The following MYT1L variants were observed in gnomAD, a reference collection of about 807,000 sequenced individuals.
The protein encoded by MYT1L is myelin transcription factor 1-like protein.
Under a neutral mutation model 126.7 loss-of-function variants are expected in MYT1L, and 12 were observed. The ratio of observed to expected loss-of-function variants is 0.09; its 90% CI spans 0.06 to 0.15. The LOEUF (loss-of-function observed/expected upper bound fraction) is 0.15, where lower values mean the gene tolerates loss of function less well. Ranked by LOEUF, MYT1L falls within the 10% of genes least tolerant of loss-of-function variation. MYT1L has a pLI of 1.00. For missense variants in MYT1L, 979 were observed against 1,585.2 expected (o/e 0.62, Z 6.49); for synonymous variants, 541 against 604.2 (o/e 0.90, Z 1.53).
intron 2 of MYT1L, among the ~76,000 whole-genome samples, chr2:2,247,791 G>A (rs1050609455): frequency 2.0e-5 from 3 of 152,082 alleles, no homozygotes; most frequent in Admixed American, 2.0e-4. Context: ...AATGTCCAAT[G>A]AGTCAGTAAA....
At chr2:2,137,795 T>C (rs1394328933) in intron 3 of MYT1L, among the ~76,000 whole-genome samples, 1 of 151,886 alleles carries the variant, frequency 6.6e-6, no homozygotes, top group Non-Finnish European at 1.5e-5. Flanking sequence ...ACTTCATGTC[T>C]GAAACACCAA....
chr2:1,873,604 G>A (rs2046515470), intron 18 of MYT1L, among the ~76,000 whole-genome samples: 1 of 152,196 alleles, frequency 6.6e-6, no homozygotes, highest in Non-Finnish European at 1.5e-5. Flanking sequence ...ATTCACTGAT[G>A]ATTTGTTCAG....
intron 3 of MYT1L, among the ~76,000 whole-genome samples, chr2:2,154,048 G>A (rs2148342629): frequency 6.6e-6 from 1 of 152,274 alleles, no homozygotes; most frequent in East Asian, 1.9e-4. Context: ...GGCTGGCTCT[G>A]GAGCCTTAGT....
intron 18 of MYT1L, among the ~76,000 whole-genome samples, chr2:1,853,889 G>A (rs1196899770): frequency 6.6e-6 from 1 of 152,108 alleles, no homozygotes; most frequent in Admixed American, 6.5e-5. Flanking sequence ...AAAAGTTTTT[G>A]TGGTAGTTTT....
intron 18 of MYT1L, among the ~76,000 whole-genome samples, chr2:1,877,797 T>TAAAAAAA (rs67706403): frequency 2.9e-4 from 43 of 150,634 alleles, no homozygotes; most frequent in African/African-American, 6.4e-4. Context: ...TCCTAAATTG[T>TAAAAAAA]AGAAAAAAAA....
At chr2:2,231,339 C>A (rs1212986297) in intron 2 of MYT1L, among the ~76,000 whole-genome samples, 1 of 152,206 alleles carries the variant, frequency 6.6e-6, no homozygotes, top group Non-Finnish European at 1.5e-5. Context: ...AGGTTGATTG[C>A]AGTCTGTCTA....
chr2:1,949,749 G>A (rs2057569280), intron 8 of MYT1L, among the ~76,000 whole-genome samples: 2 of 152,194 alleles, frequency 1.3e-5, no homozygotes, highest in South Asian at 4.1e-4. Context: ...CGAGGTGAGG[G>A]TGGGAAGTGT....
chr2:2,308,585 T>G (rs531991650), intron 1 of MYT1L, among the ~76,000 whole-genome samples: 12 of 150,170 alleles, frequency 8.0e-5, no homozygotes, highest in Admixed American at 5.9e-4. Context: ...TATACTTAAC[T>G]TACACTTCAG....
intron 22 of MYT1L, among the ~76,000 whole-genome samples, chr2:1,807,920 A>G (rs1468095734): frequency 6.6e-6 from 1 of 152,120 alleles, no homozygotes; most frequent in Non-Finnish European, 1.5e-5. Flanking sequence ...GTGGGAGGTA[A>G]TTGAATCATG....
Position 2,133,357 on chromosome 2 carries a change from C to G in MYT1L, c.-304+39515G>C, listed in dbSNP as rs80253129. 5.3e-4 allele frequency among the ~76,000 whole-genome samples: 81 copies of G among 152,206 alleles called. 1 individual carries two copies. In the East Asian group the frequency reaches 0.014, roughly 27 times the overall value. On this transcript the variant is annotated intron_variant, in intron 3 of 24. Transcript: ENST00000647738. ...GCACATCACAAAACAGTGAACTTAG[C>G]AAGAAAGGACAGTAAATTCAGTGAA...
At chr2:1,983,170 C>A (rs58570269) in intron 5 of MYT1L, among the ~76,000 whole-genome samples, 5,573 of 152,242 alleles carry the variant, frequency 0.037, 120 homozygotes, top group Non-Finnish European at 0.057. Flanking sequence ...ACTCTCTGTT[C>A]CCTCCTCCGT....
At chr2:1,833,889 C>A (rs1395789081) in intron 21 of MYT1L, among the ~76,000 whole-genome samples, 1 of 152,204 alleles carries the variant, frequency 6.6e-6, no homozygotes, top group South Asian at 2.1e-4. Context: ...GCAGCGGCTG[C>A]GCCAGGACTC....
chr2:2,233,243 G>T (rs1160619139), intron 2 of MYT1L, among the ~76,000 whole-genome samples: 1 of 152,242 alleles, frequency 6.6e-6, no homozygotes, highest in Non-Finnish European at 1.5e-5. Context: ...AGGGCCAGGA[G>T]GGTCCAAAGA....
In MYT1L at chr2:2,226,715, A is replaced by G. The variant is rs1450149752; in HGVS notation, c.-420-53727T>C. Among the ~76,000 whole-genome samples, 4 of 152,130 alleles carry G rather than the reference A, an allele frequency of 2.6e-5. No homozygotes were observed. In the East Asian group the frequency reaches 7.7e-4, roughly 29 times the overall value. On this transcript the variant is annotated intron_variant, in intron 2 of 24. Transcript: ENST00000647738. ...CTGCTGCGTTCTCGGACCTGCCCTG[A>G]GACCCAGCCCAGAGCAACACTCAGT...
chr2:2,279,920 C>T (rs1030559283), intron 2 of MYT1L, among the ~76,000 whole-genome samples: 1 of 152,002 alleles, frequency 6.6e-6, no homozygotes, highest in Non-Finnish European at 1.5e-5. Context: ...AGAAGCAGGA[C>T]AAGTACATGG....
At chr2:1,898,023 G>A (rs1395497001) in intron 14 of MYT1L, among the ~76,000 whole-genome samples, 1 of 152,172 alleles carries the variant, frequency 6.6e-6, no homozygotes, top group East Asian at 1.9e-4. Flanking sequence ...AGCTGTTGAT[G>A]TAATAATAAT....
At chr2:1,940,171 A>G (rs544733789) in intron 9 of MYT1L, among the ~76,000 whole-genome samples, 31 of 152,056 alleles carry the variant, frequency 2.0e-4, no homozygotes, top group Non-Finnish European at 3.7e-4. Flanking sequence ...TCACACTGGT[A>G]GCAGGTAGGT....
chr2:2,110,278 A>C (rs150676722), intron 3 of MYT1L, among the ~76,000 whole-genome samples: 16 of 152,248 alleles, frequency 1.1e-4, no homozygotes, highest in Non-Finnish European at 1.8e-4. Context: ...AATATAATAT[A>C]GAATATAATA....
intron 1 of MYT1L, among the ~76,000 whole-genome samples, chr2:2,315,610 C>G (rs1256794556): frequency 6.6e-6 from 1 of 152,066 alleles, no homozygotes; most frequent in Non-Finnish European, 1.5e-5. Flanking sequence ...AGGGTGCCTT[C>G]CTGATAGTCT....
Sources: allele counts gnomAD v4.1 joint callset (sites outside exome capture counted in the v4.1 genomes callset), GRCh38; gene constraint gnomAD v4.1.1; transcripts MANE v1.5; gene names NCBI Gene and HGNC (gene_info 2026-07-23, HGNC 2026-07-21).